The following INPP4A variants were observed in gnomAD, a reference collection of about 807,000 sequenced individuals.
INPP4A encodes the protein inositol polyphosphate-4-phosphatase, type I, 107kD.
Under a neutral mutation model 119.8 loss-of-function variants are expected in INPP4A, and 33 were observed. The observed-to-expected ratio is 0.28, with a 90% CI of 0.21 to 0.37. INPP4A has a LOEUF of 0.37. INPP4A is among the 10% of genes least tolerant of loss of function. The probability of loss-of-function intolerance (pLI) is 1.00; values close to 1 mark genes in which losing one functional copy is unlikely to be tolerated. For synonymous variants in INPP4A, 496 were observed against 500.7 expected (o/e 0.99, Z 0.12); for missense variants, 956 against 1,289.9 (o/e 0.74, Z 3.97).
intron 4 of INPP4A, among the ~76,000 whole-genome samples, chr2:98,526,998 C>T (rs1688304105): frequency 1.3e-5 from 2 of 152,152 alleles, no homozygotes; most frequent in African/African-American, 4.8e-5. Flanking sequence ...TACCTTCCAC[C>T]AGGCCCTACC....
intron 1 of INPP4A, among the ~76,000 whole-genome samples, chr2:98,517,352 G>A (rs1212379492): frequency 6.6e-6 from 1 of 152,186 alleles, no homozygotes; most frequent in Non-Finnish European, 1.5e-5. Flanking sequence ...GCATAAGTGT[G>A]CGTTTCTGTT....
chr2:98,534,991 T>TC (rs1574961715), intron 5 of INPP4A, among the ~76,000 whole-genome samples: 1 of 152,038 alleles, frequency 6.6e-6, no homozygotes, highest in African/African-American at 2.4e-5. Flanking sequence ...AGAGATGAGT[T>TC]GGTTGAGGCC....
intron 24 of INPP4A, among the ~76,000 whole-genome samples, chr2:98,583,164 A>T (rs1448221295): frequency 6.6e-6 from 1 of 152,262 alleles, no homozygotes; most frequent in Non-Finnish European, 1.5e-5. Context: ...ATTAATGCAT[A>T]TAGTCACCAA....
At position 98,590,528 on chromosome 2, in the gene INPP4A, C is replaced by T. The variant is rs757624659; in HGVS notation, c.*2920C>T. The T allele has an allele frequency of 4.9e-4, 95 of 194,306 alleles. 2 individuals are homozygous for T. Among genetic ancestry groups the T allele is most frequent in the African/African-American group, 1.9e-4 (8 of 43,116 alleles). The allele number at this position is 194,306 out of a possible 1,614,324, so 12.0% of individuals were successfully genotyped here. A position where few individuals can be genotyped will look rare whatever the true frequency, so the allele number is the denominator to read the frequency against. ...GAACGTGCGACGCGCCTCAGAAGTACGTGTTCATAAATGGTAGCCATTGTT... is the reference window on the plus strand; with the variant it reads ...GAACGTGCGACGCGCCTCAGAAGTATGTGTTCATAAATGGTAGCCATTGTT... On this transcript the variant is annotated 3_prime_UTR_variant, in exon 25 of 25. Coordinates refer to ENST00000409851, the MANE Select transcript of INPP4A (RefSeq NM_001134225.2).
At chr2:98,453,020 G>T (rs933592275) in intron 1 of INPP4A, among the ~76,000 whole-genome samples, 6 of 152,204 alleles carry the variant, frequency 3.9e-5, no homozygotes, top group Non-Finnish European at 8.8e-5. Flanking sequence ...ACTTTCAGTG[G>T]TGATTTTTAC....
chr2:98,513,661 C>G (rs756846810), intron 1 of INPP4A, among the ~76,000 whole-genome samples: 11 of 152,256 alleles, frequency 7.2e-5, no homozygotes, highest in Non-Finnish European at 1.6e-4. Flanking sequence ...AGCCTGCACA[C>G]AGGCCAGTGC....
intron 13 of INPP4A, among the ~76,000 whole-genome samples, chr2:98,551,578 C>T (rs1693528731): frequency 2.0e-5 from 3 of 152,132 alleles, no homozygotes; most frequent in Admixed American, 1.3e-4. Flanking sequence ...TTGGGACTTC[C>T]CTGGGAAGGG....
intron 16 of INPP4A, among the ~76,000 whole-genome samples, chr2:98,557,370 T>A (rs1268424946): frequency 2.0e-5 from 3 of 152,236 alleles, no homozygotes; most frequent in Admixed American, 2.0e-4. Flanking sequence ...GGATGGTCCT[T>A]AATTTAAACA....
intron 1 of INPP4A, among the ~76,000 whole-genome samples, chr2:98,453,001 C>T (rs1477279561): frequency 6.6e-6 from 1 of 152,182 alleles, no homozygotes; most frequent in Non-Finnish European, 1.5e-5. Flanking sequence ...GGAGACAGCC[C>T]AAGTGACTAC....
chr2:98,488,977 G>GTT (rs1486268577), intron 1 of INPP4A, among the ~76,000 whole-genome samples: 3 of 150,526 alleles, frequency 2.0e-5, no homozygotes, highest in Admixed American at 6.6e-5. Flanking sequence ...GTGTGTGTGT[G>GTT]TGTGTGTAAA....
At chr2:98,536,685 A>G (rs142243545) in intron 7 of INPP4A, among the ~76,000 whole-genome samples, 2 of 152,354 alleles carry the variant, frequency 1.3e-5, no homozygotes, top group African/African-American at 2.4e-5. Flanking sequence ...AGTCCTTCCA[A>G]ATCATTTTAG....
At chr2:98,551,625 C>A (rs1431330923) in intron 13 of INPP4A, among the ~76,000 whole-genome samples, 1 of 152,208 alleles carries the variant, frequency 6.6e-6, no homozygotes, top group African/African-American at 2.4e-5. Context: ...ACCAAGGTGA[C>A]TGTCATCTCC....
chr2:98,501,562 C>T (rs865874704), intron 1 of INPP4A, among the ~76,000 whole-genome samples: 6 of 152,134 alleles, frequency 3.9e-5, no homozygotes, highest in Non-Finnish European at 7.4e-5. Context: ...AACCTTGATG[C>T]CCTCACTGAG....
At chr2:98,458,164 A>G (rs1302057532) in intron 1 of INPP4A, among the ~76,000 whole-genome samples, 1 of 151,878 alleles carries the variant, frequency 6.6e-6, no homozygotes, top group Non-Finnish European at 1.5e-5. Context: ...AAATAGTGAA[A>G]CTTCATCTTT....
chr2:98,491,845 G>C (rs1413572607), intron 1 of INPP4A, among the ~76,000 whole-genome samples: 1 of 152,056 alleles, frequency 6.6e-6, no homozygotes, highest in African/African-American at 2.4e-5. Flanking sequence ...TTAACGATGG[G>C]GCTGCATCCC....
intron 13 of INPP4A, among the ~76,000 whole-genome samples, chr2:98,547,650 C>T (rs888182305): frequency 2.6e-5 from 4 of 151,902 alleles, no homozygotes; most frequent in African/African-American, 7.3e-5. Flanking sequence ...TATGACTTAG[C>T]ATGTGTTTGG....
chr2:98,565,049 C>CT (rs1262183088), intron 19 of INPP4A, among the ~76,000 whole-genome samples: 1 of 152,360 alleles, frequency 6.6e-6, no homozygotes, highest in African/African-American at 2.4e-5. Context: ...GCATGAGGCA[C>CT]TTGTGGGCCT....
intron 21 of INPP4A, 71 bp from the exon 22 acceptor site, chr2:98,568,500 C>T (rs1312714416): frequency 2.8e-6 from 2 of 723,658 alleles, no homozygotes; most frequent in Non-Finnish European, 4.9e-6. Flanking sequence ...TAGTTAGCTT[C>T]CATGCAGTTG....
rs190753550 is a variant in INPP4A at position 98,551,212 on chromosome 2, T to C, written c.1164-1574T>C. Among the ~76,000 whole-genome samples the C allele has an allele frequency of 7.9e-5, 12 of 152,328 alleles. No individual in the cohort carries two copies. In the East Asian group the frequency reaches 2.3e-3, roughly 29 times the overall value. On this transcript the variant is annotated intron_variant, in intron 13 of 24. Transcript: ENST00000409851. ...CTCAAGCAATCCACCCACCTTGGCCTACCAAAGTGCTAGGATTATAGGCCA... is the reference window on the plus strand; with the variant it reads ...CTCAAGCAATCCACCCACCTTGGCCCACCAAAGTGCTAGGATTATAGGCCA...
Sources: allele counts gnomAD v4.1 joint callset (sites outside exome capture counted in the v4.1 genomes callset), GRCh38; gene constraint gnomAD v4.1.1; transcripts MANE v1.5; gene names NCBI Gene and HGNC (gene_info 2026-07-23, HGNC 2026-07-21).